Variants in FANCD2 observed in about 807,000 individuals in gnomAD.
FANCD2 encodes the protein FA complementation group D2.
Under a neutral mutation model 192.3 loss-of-function variants are expected in FANCD2, and 131 were observed. That is an observed-to-expected ratio of 0.68 (90% CI 0.59 to 0.79). FANCD2 has a LOEUF of 0.79. Among genes scored for constraint, FANCD2 ranks in the 30% least tolerant of loss-of-function variants. The pLI, the probability that FANCD2 is intolerant of heterozygous loss-of-function variation, is 0.00. For missense variants in FANCD2, 1,508 were observed against 1,701.6 expected (o/e 0.89, Z 2.00); for synonymous variants, 524 against 612.5 (o/e 0.86, Z 2.13).
intron 42 of FANCD2, among the ~76,000 whole-genome samples, chr3:10,097,477 C>A (rs1695041599): frequency 6.6e-6 from 1 of 152,182 alleles, no homozygotes; most frequent in South Asian, 2.1e-4. Flanking sequence ...AAAAAGAATT[C>A]AGTGATATTT....
rs760111133 is a variant in FANCD2, at chr3:10,039,260, T to C, written c.492-19T>C. On this transcript the variant is annotated intron_variant, in intron 7 of 43. Transcript: ENST00000675286. ...ACCAGAAAGGCTCAGTTCCCTGTTTTCTCTTCCTAACATTTTAGCAAGAAC... is the reference window on the plus strand; with the variant it reads ...ACCAGAAAGGCTCAGTTCCCTGTTTCCTCTTCCTAACATTTTAGCAAGAAC... The C allele has an allele frequency of 6.9e-6, 11 of 1,596,202 alleles. No individual in the cohort carries two copies. The highest frequency in any genetic ancestry group is 9.4e-6 in the Non-Finnish European group (11 of 1,164,668).
intron 32 of FANCD2, among the ~76,000 whole-genome samples, chr3:10,084,057 G>A (rs963790836): frequency 4.6e-5 from 7 of 150,682 alleles, no homozygotes; most frequent in African/African-American, 9.7e-5. Context: ...GCAGTGGCGC[G>A]ATCTCGGCTC....
chr3:10,075,964 C>T (rs1383577334), intron 29 of FANCD2, among the ~76,000 whole-genome samples: 5 of 151,740 alleles, frequency 3.3e-5, no homozygotes, highest in African/African-American at 1.2e-4. Flanking sequence ...ATCTCCTGAC[C>T]TCGTGATCCG....
At chr3:10,092,880 CAG>C (rs1694736542) in intron 38 of FANCD2, among the ~76,000 whole-genome samples, 1 of 151,640 alleles carries the variant, frequency 6.6e-6, no homozygotes, top group African/African-American at 2.4e-5. Flanking sequence ...TTTGTGGAAA[CAG>C]GGTCTCATTC....
chr3:10,086,994 A>T, intron 33 of FANCD2, 140 bp from the exon 34 acceptor site: 1 of 924,906 alleles, frequency 1.1e-6, no homozygotes, highest in Non-Finnish European at 1.8e-6. Flanking sequence ...GAGGGTTGCT[A>T]CTAAAGCACC....
chr3:10,076,461 T>G (rs1425409373), intron 29 of FANCD2, among the ~76,000 whole-genome samples: 3 of 152,184 alleles, frequency 2.0e-5, no homozygotes, highest in African/African-American at 7.2e-5. Flanking sequence ...TTCTGAATAT[T>G]TATTTTGGAC....
In FANCD2 at chr3:10,081,129, A is replaced by G. The variant is rs762059623; in HGVS notation, c.3006A>G (p.Ser1002=). 1 of 1,614,052 alleles carries G rather than the reference A, an allele frequency of 6.2e-7. No homozygotes were observed. The highest frequency in any genetic ancestry group is 2.2e-5 in the East Asian group (1 of 44,878). Reference sequence around the variant, plus strand: ...AAGGAAGCCGGAATATTGGATTCTCACATCTCCAACAGAGATCTGCCCAAG... The same window carrying G: ...AAGGAAGCCGGAATATTGGATTCTCGCATCTCCAACAGAGATCTGCCCAAG... ...KNKGSRNIGF[S]HLQQRSAQEI... Residue 1002 remains serine, a synonymous_variant, in exon 31 of 44, where the codon TCA becomes TCG. Coordinates refer to ENST00000675286, the MANE Select transcript of FANCD2 (RefSeq NM_001018115.3).
intron 18 of FANCD2, among the ~76,000 whole-genome samples, chr3:10,059,475 G>T (rs1361331579): frequency 6.6e-6 from 1 of 152,154 alleles, no homozygotes; most frequent in African/African-American, 2.4e-5. Context: ...TGTTCTAGAA[G>T]TTTTTTATAA....
At chr3:10,098,467 TGTA>T in intron 42 of FANCD2, among the ~76,000 whole-genome samples, 2 of 152,284 alleles carry the variant, frequency 1.3e-5, no homozygotes, top group South Asian at 4.1e-4. Flanking sequence ...CCTTTTAAAA[TGTA>T]GTGTGATACT....
intron 18 of FANCD2, chr3:10,058,083 A>G (rs530308737): frequency 1.2e-4 from 60 of 496,872 alleles, no homozygotes; most frequent in African/African-American, 1.0e-3. Context: ...GGATTCTCCA[A>G]ATACTCCATC....
In FANCD2 at chr3:10,031,320, G is replaced by A. The variant is rs3100098; in HGVS notation, c.65-1512G>A. On this transcript the variant is annotated intron_variant, in intron 2 of 43. Transcript: ENST00000675286. ...AGATTGAGACCATCTTGGCTAACAT[G>A]GTGAAACCCCGTCTCTACTAAAAAT... Among the ~76,000 whole-genome samples the A allele has an allele frequency of 2.1e-3, 311 of 151,564 alleles. 4 individuals are homozygous for A. The highest frequency in any genetic ancestry group is 0.014 in the East Asian group (70 of 5,144).
chr3:10,097,102 AATAGGTGTGGGTG>A (rs1695015703), intron 42 of FANCD2, among the ~76,000 whole-genome samples: 1 of 152,202 alleles, frequency 6.6e-6, no homozygotes, highest in Non-Finnish European at 1.5e-5. Context: ...GGAGTGTGCG[AATAGGTGTGGGTG>A]ACAGACATCA....
chr3:10,068,546 A>G (rs2087783102), intron 26 of FANCD2, among the ~76,000 whole-genome samples: 1 of 152,070 alleles, frequency 6.6e-6, no homozygotes, highest in Non-Finnish European at 1.5e-5. Context: ...AAGAATTAAT[A>G]TTGTTAAAAT....
chr3:10,075,734 T>G (rs1389375019), intron 29 of FANCD2, among the ~76,000 whole-genome samples: 1 of 144,264 alleles, frequency 6.9e-6, no homozygotes, highest in Non-Finnish European at 1.5e-5. Context: ...TATCCTTTTT[T>G]TTTTTTTTTT....
In FANCD2 at chr3:10,043,526, TCTC is replaced by T. The variant is rs1158786668; in HGVS notation, c.1036_1038del (p.Leu346del). The T allele has an allele frequency of 1.1e-5, 17 of 1,613,792 alleles. No individual in the cohort carries two copies. Among genetic ancestry groups the T allele is most frequent in the African/African-American group, 9.3e-5 (7 of 74,904 alleles). ...AAAGCAGCGGTCAGAGCTGTATTAT[TCTC>T]CTCTTTGATGTAATAAAGTCAGCTA... On this transcript the variant is annotated inframe_deletion, in exon 13 of 44. Coordinates refer to ENST00000675286, the MANE Select transcript of FANCD2 (RefSeq NM_001018115.3).
intron 26 of FANCD2, among the ~76,000 whole-genome samples, chr3:10,069,613 C>CT (rs1693057625): frequency 6.6e-6 from 1 of 151,868 alleles, no homozygotes; most frequent in East Asian, 1.9e-4. Flanking sequence ...AGGCGCGCGC[C>CT]GCCACGCCTG....
intron 30 of FANCD2, among the ~76,000 whole-genome samples, chr3:10,078,441 G>A (rs1306691146): frequency 4.0e-5 from 6 of 151,550 alleles, no homozygotes; most frequent in African/African-American, 9.7e-5. Context: ...TGCAAGCTCC[G>A]CCTCCCGGGT....
chr3:10,040,453 G>T (rs2086838015), intron 9 of FANCD2: 1 of 454,896 alleles, frequency 2.2e-6, no homozygotes, highest in Admixed American at 2.4e-5. Context: ...TCATTAACTT[G>T]TTCTTCAGGG....
chr3:10,070,041 C>A (rs1273194455), intron 26 of FANCD2, among the ~76,000 whole-genome samples: 1 of 149,744 alleles, frequency 6.7e-6, no homozygotes, highest in Non-Finnish European at 1.5e-5. Context: ...GGCCACCCAT[C>A]GTCTGAGATG....
Sources: gnomAD v4.1 joint callset for allele counts (sites outside exome capture counted in the v4.1 genomes callset) on GRCh38, gnomAD v4.1.1 for gene constraint, MANE v1.5 for transcripts, NCBI Gene and HGNC (gene_info 2026-07-23, HGNC 2026-07-21) for gene names.